Variants in GDAP1 observed in about 807,000 individuals in gnomAD.
The protein encoded by GDAP1 is ganglioside-induced differentiation-associated protein 1.
In GDAP1, 34 loss-of-function variants were observed where a neutral mutation model predicts 40.1. The ratio of observed to expected loss-of-function variants is 0.85; its 90% CI spans 0.64 to 1.13. The LOEUF (loss-of-function observed/expected upper bound fraction) is 1.13. Ranked by LOEUF, GDAP1 falls within the 50% of genes most tolerant of loss-of-function variation. GDAP1 has a pLI of 0.00. For synonymous variants in GDAP1, 170 were observed against 157.4 expected, an observed-to-expected ratio of 1.08 and a Z score of -0.60; for missense variants, 374 against 433.7, an observed-to-expected ratio of 0.86 and a Z score of 1.22.
intron 2 of GDAP1, among the ~76,000 whole-genome samples, chr8:74,437,753 A>G (rs576876654): frequency 6.6e-6 from 1 of 151,994 alleles, no homozygotes; most frequent in African/African-American, 2.4e-5. Context: ...ATTAAATCAT[A>G]TTATAAGTCA....
chr8:74,401,308 T>C (rs894163354), intron 2 of GDAP1, among the ~76,000 whole-genome samples: 2 of 149,644 alleles, frequency 1.3e-5, no homozygotes, highest in Non-Finnish European at 2.9e-5. Flanking sequence ...TCATTTCATC[T>C]TCCATCACTG....
chr8:74,479,854 G>A (rs1269101275), intron 2 of GDAP1, among the ~76,000 whole-genome samples: 3 of 152,182 alleles, frequency 2.0e-5, no homozygotes, highest in African/African-American at 7.2e-5. Context: ...AAGAGCAGAG[G>A]CTGTAGGGTT....
rs1045748155 is a variant in GDAP1 at position 74,414,377 on chromosome 8, A to G, written c.165+63056A>G. Among the ~76,000 whole-genome samples the G allele has an allele frequency of 1.9e-4, 28 of 150,228 alleles. 3 individuals are homozygous for G. Among genetic ancestry groups the G allele is most frequent in the African/African-American group, 7.1e-4 (28 of 39,532 alleles). ...AGGGCTTTCAAGCAACTATTATAAC[A>G]CTACTCGAATAAGAGCAAGCATTCT... On this transcript the variant is annotated intron_variant, in intron 2 of 2. Transcript: ENST00000523640.
chr8:74,416,914 G>GT (rs377236108), intron 2 of GDAP1, among the ~76,000 whole-genome samples: 2,101 of 131,638 alleles, frequency 0.016, 242 homozygotes, highest in African/African-American at 0.063. Flanking sequence ...TTTTTTTTTT[G>GT]TTTTTTTGTT....
At chr8:74,355,688 A>T (rs369958522) in intron 2 of GDAP1, among the ~76,000 whole-genome samples, 125 of 152,330 alleles carry the variant, frequency 8.2e-4, no homozygotes, top group South Asian at 1.9e-3. Context: ...ACTAATCAAA[A>T]TTATATGGAA....
At chr8:74,419,413 A>G (rs984590727) in intron 2 of GDAP1, among the ~76,000 whole-genome samples, 3 of 152,226 alleles carry the variant, frequency 2.0e-5, no homozygotes, top group Non-Finnish European at 4.4e-5. Context: ...AAGAGAGGCC[A>G]GTCTCAACAG....
At chr8:74,422,509 TTCCTTCCTTCCTTCC>T (rs764995535) in intron 2 of GDAP1, among the ~76,000 whole-genome samples, 1,003 of 33,606 alleles carry the variant, frequency 0.03, 12 homozygotes, top group Non-Finnish European at 0.059. Flanking sequence ...CCTTCCTTCC[TTCCTTCCTTCCTTCC>T]TTCCTTCCTT....
intron 2 of GDAP1, among the ~76,000 whole-genome samples, chr8:74,400,485 A>T (rs1212077668): frequency 6.7e-6 from 1 of 149,600 alleles, no homozygotes; most frequent in East Asian, 1.9e-4. Context: ...CAGCACACTG[A>T]TGGGTCTTGA....
At chr8:74,409,612 C>T (rs1395004091) in intron 2 of GDAP1, among the ~76,000 whole-genome samples, 1 of 150,060 alleles carries the variant, frequency 6.7e-6, no homozygotes, top group African/African-American at 2.5e-5. Context: ...TTCAGCCTCC[C>T]AATGTTCTGC....
In GDAP1 at chr8:74,413,065, C is replaced by CAA. The variant is rs71269990; in HGVS notation, c.165+61766_165+61767dup. Among the ~76,000 whole-genome samples, 479 of 57,142 alleles carry CAA rather than the reference C, an allele frequency of 8.4e-3. 85 individuals carry two copies. Among genetic ancestry groups the CAA allele is most frequent in the Middle Eastern group, 0.031 (1 of 32 alleles). 37.5% of individuals were successfully genotyped at this position (57,142 alleles called of 152,430 possible). On this transcript the variant is annotated intron_variant, in intron 2 of 2. Coordinates refer to the GDAP1 transcript ENST00000523640. ...CTGGCGATAAAGCGAGACTCTGTCT[C>CAA]AAAAAAAAAAAAAAAAAAAAAAAGA...
intron 2 of GDAP1, among the ~76,000 whole-genome samples, chr8:74,488,493 G>T (rs565139293): frequency 6.6e-5 from 10 of 152,256 alleles, no homozygotes; most frequent in Admixed American, 1.3e-4. Flanking sequence ...AAATATGGCT[G>T]TGGTTTCTAA....
chr8:74,375,564 G>T (rs986122780), intron 2 of GDAP1, among the ~76,000 whole-genome samples: 1 of 152,080 alleles, frequency 6.6e-6, no homozygotes, highest in Non-Finnish European at 1.5e-5. Context: ...TGCAGAAAAA[G>T]ATTTGATAAA....
chr8:74,381,142 T>A (rs1809946549), intron 2 of GDAP1, among the ~76,000 whole-genome samples: 1 of 152,070 alleles, frequency 6.6e-6, no homozygotes, highest in African/African-American at 2.4e-5. Flanking sequence ...TAGTCAAAAT[T>A]TATCAAATTG....
chr8:74,443,268 T>C (rs923874707), intron 2 of GDAP1, among the ~76,000 whole-genome samples: 1 of 152,158 alleles, frequency 6.6e-6, no homozygotes, highest in Non-Finnish European at 1.5e-5. Flanking sequence ...TTTAGGCCAA[T>C]GGCAGACTGT....
intron 2 of GDAP1, among the ~76,000 whole-genome samples, chr8:74,449,064 T>C (rs1806266645): frequency 6.6e-6 from 1 of 151,948 alleles, no homozygotes; most frequent in African/African-American, 2.4e-5. Flanking sequence ...ATTTTTTCTA[T>C]GTATTTATCT....
At chr8:74,401,226 A>G (rs1299519372) in intron 2 of GDAP1, among the ~76,000 whole-genome samples, 3 of 148,954 alleles carry the variant, frequency 2.0e-5, no homozygotes, top group Admixed American at 1.3e-4. Context: ...ACATAGTCCC[A>G]TATTTCTTGG....
chr8:74,477,632 G>C (rs1176360101), intron 2 of GDAP1, among the ~76,000 whole-genome samples: 1 of 152,068 alleles, frequency 6.6e-6, no homozygotes, highest in Non-Finnish European at 1.5e-5. Context: ...TTTGTTCTCT[G>C]GCTCCTTAAG....
At chr8:74,441,904 A>G (rs554961408) in intron 2 of GDAP1, among the ~76,000 whole-genome samples, 1 of 152,296 alleles carries the variant, frequency 6.6e-6, no homozygotes, top group Admixed American at 6.5e-5. Flanking sequence ...GTTTAGAGAC[A>G]TACCCATATC....
intron 2 of GDAP1, among the ~76,000 whole-genome samples, chr8:74,355,499 T>C (rs557643425): frequency 2.9e-4 from 44 of 152,296 alleles, no homozygotes; most frequent in African/African-American, 1.0e-3. Context: ...ACTCTGAGCA[T>C]GTGGTGAGGA....
Sources: gnomAD v4.1 joint callset for allele counts (sites outside exome capture counted in the v4.1 genomes callset) on GRCh38, gnomAD v4.1.1 for gene constraint, MANE v1.5 for transcripts, NCBI Gene and HGNC (gene_info 2026-07-23, HGNC 2026-07-21) for gene names.